The following DOCK3 variants were observed in gnomAD, a reference collection of about 807,000 sequenced individuals.
DOCK3 encodes the protein dedicator of cytokinesis protein 3.
A neutral mutation model predicts 265.6 loss-of-function variants in DOCK3; 60 were observed. The observed-to-expected ratio is 0.23, with a 90% CI of 0.18 to 0.28. The LOEUF (loss-of-function observed/expected upper bound fraction) is 0.28. Ranked by LOEUF, DOCK3 falls within the 10% of genes least tolerant of loss-of-function variation. DOCK3 has a pLI of 1.00. For missense variants in DOCK3, 1,981 were observed against 2,594.3 expected (o/e 0.76, Z 5.14); for synonymous variants, 881 against 938.0 (o/e 0.94, Z 1.11).
At chr3:50,775,851 A>ATCC (rs1553654547) in intron 1 of DOCK3, among the ~76,000 whole-genome samples, 3 of 152,026 alleles carry the variant, frequency 2.0e-5, no homozygotes, top group Non-Finnish European at 4.4e-5. Context: ...TTGCTTTCCC[A>ATCC]TTGAGTTTCT....
At chr3:51,140,039 T>C (rs2084975769) in intron 9 of DOCK3, among the ~76,000 whole-genome samples, 1 of 152,242 alleles carries the variant, frequency 6.6e-6, no homozygotes, top group Non-Finnish European at 1.5e-5. Flanking sequence ...TTACGTGTTA[T>C]CTGAGAGTAA....
At chr3:50,769,689 A>G (rs761019655) in intron 1 of DOCK3, among the ~76,000 whole-genome samples, 18 of 151,640 alleles carry the variant, frequency 1.2e-4, no homozygotes, top group Non-Finnish European at 2.1e-4. Context: ...GTGGGCGCCT[A>G]TAATCCCAGC....
At chr3:50,772,930 A>G (rs2041365411) in intron 1 of DOCK3, among the ~76,000 whole-genome samples, 1 of 152,194 alleles carries the variant, frequency 6.6e-6, no homozygotes, top group South Asian at 2.1e-4. Flanking sequence ...GAAATAGAAA[A>G]AAAAAAATCC....
At chr3:50,888,704 C>G (rs2048473364) in intron 3 of DOCK3, among the ~76,000 whole-genome samples, 1 of 152,080 alleles carries the variant, frequency 6.6e-6, no homozygotes, top group Non-Finnish European at 1.5e-5. Flanking sequence ...AGAAATAACT[C>G]CGCATATCTA....
At chr3:51,064,658 A>C (rs1056567521) in intron 6 of DOCK3, 62 bp downstream of exon 6, 2 of 1,577,822 alleles carry the variant, frequency 1.3e-6, no homozygotes, top group African/African-American at 2.7e-5. Context: ...GTCTTCAGGG[A>C]GTTTGCACCT....
chr3:51,249,025 T>C (rs1434478895), intron 22 of DOCK3, among the ~76,000 whole-genome samples: 2 of 131,582 alleles, frequency 1.5e-5, no homozygotes, highest in East Asian at 2.5e-4. Flanking sequence ...GTGAGGAGCC[T>C]CTCCGCCCGG....
intron 12 of DOCK3, among the ~76,000 whole-genome samples, chr3:51,179,469 C>G (rs2087153550): frequency 6.6e-6 from 1 of 152,162 alleles, no homozygotes; most frequent in Admixed American, 6.5e-5. Context: ...GAATGTTATT[C>G]ATTGCCATTA....
intron 32 of DOCK3, among the ~76,000 whole-genome samples, chr3:51,326,262 TA>T (rs1206775351): frequency 1.4e-5 from 1 of 70,868 alleles, no homozygotes; most frequent in African/African-American, 7.0e-5. Context: ...TTATTTTTTT[TA>T]ATTTTTTTTT....
intron 1 of DOCK3, among the ~76,000 whole-genome samples, chr3:50,733,847 A>G (rs2038388352): frequency 6.7e-6 from 1 of 149,354 alleles, no homozygotes; most frequent in Non-Finnish European, 1.5e-5. Context: ...GTAGTGGTAT[A>G]CTTTGATTCC....
At chr3:50,796,276 C>A (rs1331103072) in intron 2 of DOCK3, among the ~76,000 whole-genome samples, 1 of 151,988 alleles carries the variant, frequency 6.6e-6, no homozygotes, top group African/African-American at 2.4e-5. Flanking sequence ...CGTGATCCGC[C>A]CCCCTCGGCC....
chr3:50,700,982 C>T (rs1368587444), intron 1 of DOCK3, among the ~76,000 whole-genome samples: 1 of 152,150 alleles, frequency 6.6e-6, no homozygotes, highest in African/African-American at 2.4e-5. Context: ...TTGATAATAG[C>T]CATTCTAACT....
intron 5 of DOCK3, among the ~76,000 whole-genome samples, chr3:50,946,094 T>TAA (rs35670695): frequency 0.038 from 3,497 of 91,528 alleles, 115 homozygotes; most frequent in Non-Finnish European, 0.051. Context: ...CCCCATCTCT[T>TAA]AAAAAAAAAA....
intron 4 of DOCK3, among the ~76,000 whole-genome samples, chr3:50,920,228 G>C (rs973653346): frequency 2.6e-5 from 4 of 152,110 alleles, no homozygotes; most frequent in Admixed American, 6.5e-5. Context: ...TTGTGCCTCT[G>C]CTAGGCTTTG....
intron 3 of DOCK3, among the ~76,000 whole-genome samples, chr3:50,869,254 G>A (rs1316114534): frequency 2.0e-5 from 3 of 150,638 alleles, no homozygotes; most frequent in East Asian, 1.9e-4. Flanking sequence ...GATTACAGGC[G>A]TGAGCCGCTG....
At chr3:51,323,074 A>G (rs576435861) in intron 32 of DOCK3, among the ~76,000 whole-genome samples, 2 of 152,170 alleles carry the variant, frequency 1.3e-5, no homozygotes, top group South Asian at 2.1e-4. Context: ...AATGGTAAAG[A>G]GATCAATGCA....
intron 7 of DOCK3, among the ~76,000 whole-genome samples, chr3:51,077,699 G>C (rs1285598458): frequency 6.6e-6 from 1 of 152,204 alleles, no homozygotes; most frequent in Non-Finnish European, 1.5e-5. Flanking sequence ...GGAAGAAGCA[G>C]TTTGGAGAGT....
chr3:51,244,138 A>G (rs2078724535), intron 21 of DOCK3, among the ~76,000 whole-genome samples: 1 of 152,142 alleles, frequency 6.6e-6, no homozygotes, highest in South Asian at 2.1e-4. Flanking sequence ...ATCAGGAAGT[A>G]TGAGACTGCA....
chr3:50,997,913 G>T (rs550021927), intron 5 of DOCK3, among the ~76,000 whole-genome samples: 32 of 152,216 alleles, frequency 2.1e-4, no homozygotes, highest in Non-Finnish European at 4.0e-4. Flanking sequence ...TTTATTTTCT[G>T]TAGAAGACTT....
At position 50,967,576 on chromosome 3, in the gene DOCK3, A is replaced by G. The variant is rs542164818; in HGVS notation, c.315+33499A>G. Among the ~76,000 whole-genome samples the G allele has an allele frequency of 2.0e-5, 3 of 152,312 alleles. No homozygotes were observed. The South Asian group carries it at 6.2e-4, about 32-fold the overall frequency. ...CCTGAGACTGGGTAATTTATAAAGG[A>G]AAGAGTTTTAATTGACTCACAGTTT... is the stretch of plus-strand genomic sequence containing the variant. On this transcript the variant is annotated intron_variant, in intron 5 of 52. Transcript: ENST00000266037.
Sources: allele counts gnomAD v4.1 joint callset (sites outside exome capture counted in the v4.1 genomes callset), GRCh38; gene constraint gnomAD v4.1.1; transcripts MANE v1.5; gene names NCBI Gene and HGNC (gene_info 2026-07-23, HGNC 2026-07-21).